AGBL3: variants seen among roughly 807,000 people sequenced by gnomAD.
AGBL3 encodes the protein AGBL carboxypeptidase 3.
Under a neutral mutation model 94.5 loss-of-function variants are expected in AGBL3, and 68 were observed. The ratio of observed to expected loss-of-function variants is 0.72; its 90% CI spans 0.59 to 0.88. AGBL3 has a LOEUF of 0.88. AGBL3 is among the 40% of genes least tolerant of loss of function. The pLI is 0.00. For synonymous variants in AGBL3, 354 were observed against 370.7 expected (o/e 0.95, Z 0.52); for missense variants, 934 against 1,103.8 (o/e 0.85, Z 2.18).
intron 15 of AGBL3, among the ~76,000 whole-genome samples, chr7:135,097,185 G>A (rs551360138): frequency 6.6e-6 from 1 of 152,180 alleles, no homozygotes; most frequent in East Asian, 1.9e-4. Flanking sequence ...TGGTTCAAAG[G>A]TTACGACTAA....
intron 12 of AGBL3, among the ~76,000 whole-genome samples, chr7:135,070,758 CAGCCAA>C (rs1274535861): frequency 6.6e-6 from 1 of 152,020 alleles, no homozygotes; most frequent in Non-Finnish European, 1.5e-5. Context: ...GACAAACCCA[CAGCCAA>C]TATCATACTG....
At chr7:135,056,825 G>A (rs1183652606) in intron 11 of AGBL3, among the ~76,000 whole-genome samples, 2 of 152,048 alleles carry the variant, frequency 1.3e-5, no homozygotes, top group Admixed American at 6.5e-5. Flanking sequence ...CATGATTTTT[G>A]ACTCAATGTA....
At chr7:135,005,682 A>G (rs1215887168) in intron 4 of AGBL3, among the ~76,000 whole-genome samples, 1 of 151,808 alleles carries the variant, frequency 6.6e-6, no homozygotes, top group African/African-American at 2.4e-5. Flanking sequence ...ATAAAATGGG[A>G]TAAAGTAGCC....
At chr7:135,011,736 C>T (rs1438843764) in intron 4 of AGBL3, 2 of 152,128 alleles carry the variant, frequency 1.3e-5, no homozygotes, top group Non-Finnish European at 2.9e-5. Flanking sequence ...TTCTGTTTCA[C>T]AGAAACCTTG....
At chr7:135,030,231 A>G (rs1385408902) in intron 5 of AGBL3, among the ~76,000 whole-genome samples, 1 of 152,078 alleles carries the variant, frequency 6.6e-6, no homozygotes, top group East Asian at 1.9e-4. Flanking sequence ...CAATTTCACA[A>G]GGTACGCCTT....
intron 14 of AGBL3, among the ~76,000 whole-genome samples, chr7:135,080,758 T>TC (rs1413008960): frequency 6.6e-6 from 1 of 151,546 alleles, no homozygotes; most frequent in East Asian, 1.9e-4. Flanking sequence ...TTTTTTTTTT[T>TC]TCTTAATTCT....
chr7:135,045,432 T>C (rs1213738125), intron 9 of AGBL3, 42 bp from the exon 10 acceptor site: 2 of 1,474,272 alleles, frequency 1.4e-6, no homozygotes, highest in Non-Finnish European at 1.9e-6. Context: ...AGAAAAATTA[T>C]TAACTTACCC....
intron 15 of AGBL3, among the ~76,000 whole-genome samples, chr7:135,112,997 G>A (rs1451921494): frequency 1.3e-5 from 2 of 152,004 alleles, no homozygotes; most frequent in Non-Finnish European, 2.9e-5. Context: ...GGCTAGTCTC[G>A]AATTCCTAAC....
At chr7:135,064,374 C>T (rs753579939) in intron 12 of AGBL3, among the ~76,000 whole-genome samples, 9 of 152,164 alleles carry the variant, frequency 5.9e-5, no homozygotes, top group Non-Finnish European at 1.2e-4. Flanking sequence ...AGGCTTCGGA[C>T]TTCAGTTTTT....
chr7:135,112,441 TA>T (rs1356040354), intron 15 of AGBL3, among the ~76,000 whole-genome samples: 1 of 152,234 alleles, frequency 6.6e-6, no homozygotes, highest in African/African-American at 2.4e-5. Flanking sequence ...CATGTCTTCA[TA>T]CCTACCTGAT....
chr7:135,019,962 G>A (rs1814246595), intron 5 of AGBL3, among the ~76,000 whole-genome samples: 1 of 152,060 alleles, frequency 6.6e-6, no homozygotes, highest in Admixed American at 6.6e-5. Context: ...AAAAACCCTA[G>A]AAGAAAACCT....
intron 8 of AGBL3, among the ~76,000 whole-genome samples, chr7:135,039,753 G>A (rs1392419512): frequency 6.6e-6 from 1 of 151,358 alleles, no homozygotes; most frequent in Non-Finnish European, 1.5e-5. Flanking sequence ...AAAGAACAAA[G>A]GTCTTGAATT....
chr7:134,987,945 T>C lies in AGBL3; in HGVS notation c.12T>C (p.Asp4=). MSE[D]SEKEDYSDRT... is the part of the protein sequence containing the mutation. ...AAACACTGGAAAAGATGTCAGAAGATTCAGAAAAGGAAGACTATTCAGACA... is the reference window on the plus strand; with the variant it reads ...AAACACTGGAAAAGATGTCAGAAGACTCAGAAAAGGAAGACTATTCAGACA... Residue 4 remains aspartate (D), a synonymous_variant, in exon 2 of 17, where the codon GAT becomes GAC. Transcript: ENST00000436302. 6.5e-7 allele frequency: 1 copy of C among 1,548,570 alleles called. No individual in the cohort carries two copies. Among genetic ancestry groups the C allele is most frequent in the Non-Finnish European group, 8.7e-7 (1 of 1,145,832 alleles).
intron 11 of AGBL3, among the ~76,000 whole-genome samples, chr7:135,051,686 G>C (rs191728131): frequency 6.6e-6 from 1 of 152,016 alleles, no homozygotes; most frequent in African/African-American, 2.4e-5. Flanking sequence ...TCAAATTTAA[G>C]ATTATAGAAC....
intron 15 of AGBL3, among the ~76,000 whole-genome samples, chr7:135,100,574 G>A (rs1823683420): frequency 6.6e-6 from 1 of 152,130 alleles, no homozygotes; most frequent in African/African-American, 2.4e-5. Flanking sequence ...CTCAGTTTCT[G>A]TTAAATAAAA....
At chr7:135,016,720 GT>G (rs1324211935) in intron 4 of AGBL3, among the ~76,000 whole-genome samples, 3 of 152,148 alleles carry the variant, frequency 2.0e-5, no homozygotes, top group South Asian at 2.1e-4. Flanking sequence ...AAAAGGTAGA[GT>G]AAGATTTCCC....
chr7:135,035,633 G>A (rs1423791872), intron 7 of AGBL3, among the ~76,000 whole-genome samples: 1 of 152,068 alleles, frequency 6.6e-6, no homozygotes, highest in African/African-American at 2.4e-5. Flanking sequence ...AAGTATTTCT[G>A]TTTACCTATG....
intron 16 of AGBL3, chr7:135,128,404 C>G (rs1828255119): frequency 1.8e-6 from 1 of 557,020 alleles, no homozygotes; most frequent in Non-Finnish European, 3.4e-6. Context: ...TCAGAGATCA[C>G]TCTCATGGTC....
intron 16 of AGBL3, among the ~76,000 whole-genome samples, chr7:135,122,326 G>A (rs1389337838): frequency 6.6e-6 from 1 of 152,152 alleles, no homozygotes; most frequent in African/African-American, 2.4e-5. Flanking sequence ...TCATTGGGTG[G>A]GGCTTTCCTG....
Sources: allele counts gnomAD v4.1 joint callset (sites outside exome capture counted in the v4.1 genomes callset), GRCh38; gene constraint gnomAD v4.1.1; transcripts MANE v1.5; gene names NCBI Gene and HGNC (gene_info 2026-07-23, HGNC 2026-07-21).